Variants in UBN2 observed in about 807,000 individuals in gnomAD.
The protein encoded by UBN2 is ubinuclein 2, also known as ubinuclein-2.
UBN2 carries 35 observed loss-of-function variants against 120.2 expected under a neutral mutation model. That is an observed-to-expected ratio of 0.29 (90% confidence interval 0.22 to 0.39). The LOEUF is 0.39. Ranked by LOEUF, UBN2 falls within the 10% of genes least tolerant of loss-of-function variation. UBN2 has a pLI of 1.00. For missense variants in UBN2, 1,693 were observed against 1,663.2 expected, an observed-to-expected ratio of 1.02 and a Z score of -0.31; for synonymous variants, 661 against 648.7, an observed-to-expected ratio of 1.02 and a Z score of -0.29.
chr7:139,252,174 C>T, intron 3 of UBN2, 117 bp downstream of exon 3: 1 of 744,570 alleles, frequency 1.3e-6, no homozygotes, highest in Non-Finnish European at 2.2e-6. Flanking sequence ...TTTTTAAAGC[C>T]ATGTTCACTA....
Position 139,301,853 on chromosome 7 carries a change from T to G in UBN2, c.*4017T>G, listed in dbSNP as rs1253592985. 6.6e-6 allele frequency: 1 copy of G among 152,224 alleles called. No homozygotes were observed. The highest frequency in any genetic ancestry group is 2.1e-4 in the South Asian group (1 of 4,838). The allele number at this position is 152,224 out of a possible 1,614,324, so 9.4% of individuals were successfully genotyped here. A position where few individuals can be genotyped will look rare whatever the true frequency, so the allele number is the denominator to read the frequency against. Reference sequence around the variant, plus strand: ...CAAAAGAGGCACTTTTACTTTCTATTGTGCATGTATGATTGTTGTTTTTTG... The same window carrying G: ...CAAAAGAGGCACTTTTACTTTCTATGGTGCATGTATGATTGTTGTTTTTTG... On this transcript the variant is annotated 3_prime_UTR_variant, in exon 18 of 18. Coordinates refer to ENST00000473989, the MANE Select transcript of UBN2 (RefSeq NM_173569.4).
the UBN2 span, among the ~76,000 whole-genome samples, chr7:139,317,345 AT>A: frequency 6.6e-6 from 1 of 151,228 alleles, no homozygotes; most frequent in Non-Finnish European, 1.5e-5. Flanking sequence ...CTAGTTTTTA[AT>A]TTTTTTTAGA....
intron 16 of UBN2, 48 bp from the exon 17 acceptor site, chr7:139,293,841 G>A (rs774569672): frequency 2.6e-6 from 4 of 1,564,824 alleles, no homozygotes; most frequent in Non-Finnish European, 2.6e-6. Flanking sequence ...AACTAAAAGG[G>A]CTCAAATCTG....
At chr7:139,259,503 C>G in intron 5 of UBN2, 133 bp downstream of exon 5, 4 of 1,217,566 alleles carry the variant, frequency 3.3e-6, no homozygotes, top group Non-Finnish European at 3.4e-6. Context: ...ATATTAGTGA[C>G]TTATGTTTAA....
intron 14 of UBN2, 28 bp downstream of exon 14, chr7:139,282,083 A>T (rs544821305): frequency 6.2e-7 from 1 of 1,606,344 alleles, no homozygotes; most frequent in East Asian, 2.2e-5. Flanking sequence ...ATCAATCAGT[A>T]TGTAATATAA....
intron 13 of UBN2, 88 bp from the exon 14 acceptor site, chr7:139,281,917 A>G (rs1453755126): frequency 7.9e-7 from 1 of 1,271,460 alleles, no homozygotes; most frequent in African/African-American, 1.5e-5. Context: ...GTTTTTAATC[A>G]GGGGTTTTAG....
chr7:139,279,169 G>A (rs1563220497), intron 12 of UBN2, 149 bp from the exon 13 acceptor site: 2 of 624,790 alleles, frequency 3.2e-6, no homozygotes, highest in South Asian at 2.0e-5. Flanking sequence ...TACATACTTC[G>A]TATAAACTGA....
chr7:139,240,454 A>ATATATATATATATATATATTT (rs371717591), intron 2 of UBN2, among the ~76,000 whole-genome samples: 5 of 123,146 alleles, frequency 4.1e-5, no homozygotes, highest in African/African-American at 1.6e-4. Flanking sequence ...ATATATATAT[A>ATATATATATATATATATATTT]TTTTTTTTTT....
chr7:139,277,422 T>C (rs1797477184), intron 12 of UBN2: 1 of 152,180 alleles, frequency 6.6e-6, no homozygotes, highest in Non-Finnish European at 1.5e-5. Flanking sequence ...ATTTTATATG[T>C]TTTATGTACA....
At chr7:139,325,796 C>T in the UBN2 span, among the ~76,000 whole-genome samples, 7 of 152,198 alleles carry the variant, frequency 4.6e-5, no homozygotes. Flanking sequence ...GCATAGTAAA[C>T]TGTTGTCCCA....
At chr7:139,287,251 C>T (rs960191386) in intron 15 of UBN2, among the ~76,000 whole-genome samples, 1 of 152,080 alleles carries the variant, frequency 6.6e-6, no homozygotes, top group South Asian at 2.1e-4. Flanking sequence ...TATCCTCCTC[C>T]TAGGGTTAAC....
In UBN2 at chr7:139,307,034, T is replaced by C. The variant is rs1798369731; in HGVS notation, c.*9198T>C. On this transcript the variant is annotated 3_prime_UTR_variant, in exon 18 of 18. Transcript: ENST00000473989. ...AATTTTGATAAGGGAAAGACTTGTTTGGTAGCCCAAGGAAAAACAGGATGT... is the reference window on the plus strand; with the variant it reads ...AATTTTGATAAGGGAAAGACTTGTTCGGTAGCCCAAGGAAAAACAGGATGT... The C allele has an allele frequency of 2.6e-5, 4 of 152,234 alleles. No homozygotes were observed. In the South Asian group the frequency reaches 8.3e-4, roughly 31 times the overall value. The allele number at this position is 152,234 out of a possible 1,614,324, so 9.4% of individuals were successfully genotyped here.
intron 12 of UBN2, 103 bp downstream of exon 12, chr7:139,276,250 G>T (rs766302392): frequency 1.1e-5 from 12 of 1,104,398 alleles, no homozygotes; most frequent in Non-Finnish European, 1.5e-5. Flanking sequence ...GACTTAAAAA[G>T]ATCATTTTGA....
intron 2 of UBN2, among the ~76,000 whole-genome samples, chr7:139,249,274 A>G (rs1274760715): frequency 6.6e-6 from 1 of 152,186 alleles, no homozygotes; most frequent in Non-Finnish European, 1.5e-5. Flanking sequence ...GTCCACTGAA[A>G]AGTGTACAAT....
intron 15 of UBN2, among the ~76,000 whole-genome samples, chr7:139,284,845 C>T (rs1394834797): frequency 6.6e-6 from 1 of 152,040 alleles, no homozygotes; most frequent in Non-Finnish European, 1.5e-5. Context: ...TCATTACAAG[C>T]AACCATCACT....
chr7:139,258,468 T>G lies in UBN2; in HGVS notation c.664-20T>G, dbSNP rs775086345. 6.5e-7 allele frequency: 1 copy of G among 1,537,134 alleles called. No individual in the cohort carries two copies. Among genetic ancestry groups the G allele is most frequent in the Non-Finnish European group, 8.8e-7 (1 of 1,138,756 alleles). The stretch of plus-strand genomic sequence containing the variant: ...AAAGACAACAGGATATAGCGGAAAC[T>G]TTTTTGTTTTTTAATCTAGTATGAT... On this transcript the variant is annotated intron_variant, in intron 3 of 17. Transcript: ENST00000473989.
Position 139,300,207 on chromosome 7 carries a change from G to A in UBN2, c.*2371G>A, listed in dbSNP as rs993035436. ...AAGAATACAATGTGGAGATTCTTCT[G>A]TGTTCTCTTTAGTCTTGATTCCTTG... On this transcript the variant is annotated 3_prime_UTR_variant, in exon 18 of 18. Transcript: ENST00000473989. The A allele has an allele frequency of 1.3e-5, 2 of 152,122 alleles. No individual in the cohort carries two copies. The highest frequency in any genetic ancestry group is 2.9e-5 in the Non-Finnish European group (2 of 68,014). 9.4% of individuals were successfully genotyped at this position (152,122 alleles called of 1,614,324 possible).
At chr7:139,285,841 C>CA in intron 15 of UBN2, among the ~76,000 whole-genome samples, 1 of 152,216 alleles carries the variant, frequency 6.6e-6, no homozygotes, top group East Asian at 1.9e-4. Context: ...TTCTCGGGTT[C>CA]AGGAGATTCT....
chr7:139,274,258 C>G (rs550787771), intron 11 of UBN2, among the ~76,000 whole-genome samples, 184 bp downstream of exon 11: 2 of 151,992 alleles, frequency 1.3e-5, no homozygotes, highest in African/African-American at 4.8e-5. Flanking sequence ...ACAAAACAGT[C>G]GCGCACACAG....
Sources: allele counts gnomAD v4.1 joint callset (sites outside exome capture counted in the v4.1 genomes callset), GRCh38; gene constraint gnomAD v4.1.1; transcripts MANE v1.5; gene names NCBI Gene and HGNC (gene_info 2026-07-23, HGNC 2026-07-21).